The following OASL variants were observed in gnomAD, a reference collection of about 807,000 sequenced individuals.
OASL encodes 2'-5'-oligoadenylate synthetase like, also known as 2'-5'-oligoadenylate synthase-like protein.
A neutral mutation model predicts 35.3 loss-of-function variants in OASL; 28 were observed. The ratio of observed to expected loss-of-function variants is 0.79; its 90% CI spans 0.59 to 1.09. The LOEUF (loss-of-function observed/expected upper bound fraction) is 1.09. Among genes scored for constraint, OASL ranks in the 50% least tolerant of loss-of-function variants. The probability of loss-of-function intolerance (pLI) is 0.00; values close to 1 mark genes in which losing one functional copy is unlikely to be tolerated. For missense variants in OASL, 620 were observed against 635.2 expected (o/e 0.98, Z 0.26); for synonymous variants, 252 against 254.6 (o/e 0.99, Z 0.10).
At position 121,031,545 on chromosome 12, in the gene OASL, C is replaced by T. The variant is rs376037465; in HGVS notation, c.554G>A (p.Gly185Glu). 1.9e-6 allele frequency: 3 copies of T among 1,613,976 alleles called. No individual in the cohort carries two copies. Among genetic ancestry groups the T allele is most frequent in the Non-Finnish European group, 2.5e-6 (3 of 1,180,022 alleles). Reference sequence around the variant, plus strand: ...CTCGCTGAAGGATGGGCAGAAATTTCCAGGACCACCGCAGGCCTTGATCAG... The same window carrying T: ...CTCGCTGAAGGATGGGCAGAAATTTTCAGGACCACCGCAGGCCTTGATCAG... Residue 185 changes from glycine to glutamate, a missense_variant, in exon 3 of 6, where the codon GGA (glycine) becomes GAA (glutamate). By Grantham distance (98) the Gly-to-Glu change is moderately conservative. Coordinates refer to ENST00000257570, the Ensembl canonical transcript of OASL.
chr12:121,037,918 C>T (rs534636967), intron 1 of OASL, among the ~76,000 whole-genome samples: 3 of 151,994 alleles, frequency 2.0e-5, no homozygotes, highest in Non-Finnish European at 2.9e-5. Context: ...TTGGTGAAAC[C>T]CTATCTCTAC....
chr12:121,021,349 G>A (rs1869228568), intron 5 of OASL, among the ~76,000 whole-genome samples: 1 of 152,202 alleles, frequency 6.6e-6, no homozygotes, highest in South Asian at 2.1e-4. Context: ...AATCACATAG[G>A]TAGTAAGGAG....
exon 6 of OASL, chr12:121,020,506 A>C: frequency 6.6e-7 from 1 of 1,518,940 alleles, no homozygotes. Context: ...AGTGATTGAC[A>C]GGATGAGTTC....
chr12:121,033,621 C>A, exon 2 of OASL: 1 of 1,614,182 alleles, frequency 6.2e-7, no homozygotes, highest in Non-Finnish European at 8.5e-7. Flanking sequence ...TTTTCCATAT[C>A]AGCCTCAGAA....
At chr12:121,036,212 A>G (rs571476751) in intron 1 of OASL, among the ~76,000 whole-genome samples, 53 of 152,324 alleles carry the variant, frequency 3.5e-4, no homozygotes, top group Admixed American at 1.9e-3. Context: ...GCAGAGAGAA[A>G]AGAACACATC....
intron 1 of OASL, among the ~76,000 whole-genome samples, chr12:121,037,460 C>T (rs1383148513): frequency 2.0e-5 from 3 of 151,986 alleles, no homozygotes; most frequent in Non-Finnish European, 4.4e-5. Flanking sequence ...GGCAAGTCAC[C>T]TCACCTCTCT....
At chr12:121,025,099 T>A (rs1458566240) in intron 4 of OASL, among the ~76,000 whole-genome samples, 1 of 148,066 alleles carries the variant, frequency 6.8e-6, no homozygotes, top group Non-Finnish European at 1.5e-5. Flanking sequence ...TGCCTCGGCC[T>A]CCTGAGTAGC....
chr12:121,020,928 T>C, exon 6 of OASL: 1 of 1,614,214 alleles, frequency 6.2e-7, no homozygotes, highest in Non-Finnish European at 8.5e-7. Flanking sequence ...GGACAGACGC[T>C]GCAGGCCAGA....
chr12:121,028,630 GC>G (rs950008962), intron 3 of OASL, among the ~76,000 whole-genome samples: 6 of 58,158 alleles, frequency 1.0e-4, no homozygotes, highest in Admixed American at 8.0e-4. Context: ...CCCCCCGCCC[GC>G]CCCCCCTACT....
chr12:121,020,516 C>T, exon 6 of OASL: 1 of 1,545,710 alleles, frequency 6.5e-7, no homozygotes, highest in Non-Finnish European at 8.8e-7. Flanking sequence ...AGGATGAGTT[C>T]TGGAGTACAT....
chr12:121,024,657 T>A (rs1035571042), intron 4 of OASL, among the ~76,000 whole-genome samples: 11 of 151,230 alleles, frequency 7.3e-5, no homozygotes, highest in Non-Finnish European at 1.6e-4. Context: ...GTGCCTTAAG[T>A]GTTTGCAAGG....
exon 6 of OASL, chr12:121,020,435 TG>T: frequency 9.6e-7 from 1 of 1,041,130 alleles, no homozygotes; most frequent in Middle Eastern, 2.6e-4. Flanking sequence ...ACGTCTGGCC[TG>T]GGATAACTCA....
chr12:121,038,598 A>G (rs1025869626), intron 1 of OASL, among the ~76,000 whole-genome samples, 176 bp downstream of exon 1: 2 of 152,346 alleles, frequency 1.3e-5, no homozygotes, highest in Admixed American at 1.3e-4. Flanking sequence ...TACTAGACTC[A>G]TTCTACTCAA....
intron 4 of OASL, among the ~76,000 whole-genome samples, chr12:121,026,356 G>C (rs1346168967): frequency 6.6e-6 from 1 of 152,222 alleles, no homozygotes; most frequent in Non-Finnish European, 1.5e-5. Flanking sequence ...CACAGGCCCA[G>C]AGCTTCTAAC....
intron 1 of OASL, 107 bp downstream of exon 1, chr12:121,038,667 C>A (rs1870051494): frequency 3.8e-6 from 4 of 1,047,916 alleles, no homozygotes; most frequent in Non-Finnish European, 4.3e-6. Flanking sequence ...GAGATGTCAT[C>A]AGCATGGGCT....
At chr12:121,035,252 C>CATG (rs763172112) in intron 1 of OASL, among the ~76,000 whole-genome samples, 3 of 151,998 alleles carry the variant, frequency 2.0e-5, no homozygotes, top group Admixed American at 6.6e-5. Context: ...CCCAGCCAGG[C>CATG]ATGATGGCTC....
intron 4 of OASL, 144 bp from the exon 5 acceptor site, chr12:121,024,281 A>C: frequency 1.3e-6 from 1 of 788,834 alleles, no homozygotes; most frequent in Non-Finnish European, 2.0e-6. Flanking sequence ...GCCCCAAAAC[A>C]CCGCAGGAGA....
At chr12:121,034,634 G>A (rs573649681) in intron 1 of OASL, among the ~76,000 whole-genome samples, 1 of 152,306 alleles carries the variant, frequency 6.6e-6, no homozygotes, top group African/African-American at 2.4e-5. Flanking sequence ...CATAGGCTGT[G>A]AAATGGAGCA....
At chr12:121,037,377 G>A (rs1382630214) in intron 1 of OASL, among the ~76,000 whole-genome samples, 2 of 152,078 alleles carry the variant, frequency 1.3e-5, no homozygotes, top group East Asian at 3.9e-4. Flanking sequence ...GGGCTTGGGG[G>A]AAAATCTCAG....
Sources: gnomAD v4.1 joint callset for allele counts (sites outside exome capture counted in the v4.1 genomes callset) on GRCh38, gnomAD v4.1.1 for gene constraint, MANE v1.5 for transcripts, NCBI Gene and HGNC (gene_info 2026-07-23, HGNC 2026-07-21) for gene names.